The following KLF5 variants were observed in gnomAD, a reference collection of about 807,000 sequenced individuals.
KLF5 encodes the protein Krueppel-like factor 5.
In KLF5, 9 loss-of-function variants were observed where a neutral mutation model predicts 36.9. That is an observed-to-expected ratio of 0.24 (90% CI 0.15 to 0.43). KLF5 has a LOEUF of 0.43. KLF5 is among the 20% of genes least tolerant of loss of function. The pLI is 1.00. For synonymous variants in KLF5, 246 were observed against 241.7 expected, an observed-to-expected ratio of 1.02 and a Z score of -0.17; for missense variants, 524 against 599.5, an observed-to-expected ratio of 0.87 and a Z score of 1.31.
At chr13:73,056,645 C>T (rs181328171), upstream of KLF5, among the ~76,000 whole-genome samples, 2 of 152,272 alleles carry the variant, frequency 1.3e-5, no homozygotes, top group African/African-American at 4.8e-5. Flanking sequence ...CAAATGTCTC[C>T]GAAAAGGATT....
intron 3 of KLF5, among the ~76,000 whole-genome samples, chr13:73,073,667 C>G (rs2044738251): frequency 6.6e-6 from 1 of 152,116 alleles, no homozygotes; most frequent in South Asian, 2.1e-4. Flanking sequence ...TCAGAAATAA[C>G]TTTTTCTTTC....
chr13:73,055,424 A>T (rs2044577510), upstream of KLF5, among the ~76,000 whole-genome samples: 1 of 152,174 alleles, frequency 6.6e-6, no homozygotes, highest in Non-Finnish European at 1.5e-5. Flanking sequence ...TAAACTGCAT[A>T]TTTTTTCATC....
chr13:73,060,850 G>A (rs899959645), intron 1 of KLF5, among the ~76,000 whole-genome samples: 2 of 152,158 alleles, frequency 1.3e-5, no homozygotes, highest in Non-Finnish European at 2.9e-5. Flanking sequence ...GCTGGAAAAG[G>A]CTTGAGGCGA....
rs1566567749 is a variant in KLF5 at position 73,076,058 on chromosome 13, AGTGTT to A, written c.*173_*177del. On this transcript the variant is annotated 3_prime_UTR_variant, in exon 4 of 4. Coordinates refer to ENST00000377687, the MANE Select transcript of KLF5 (RefSeq NM_001730.5). ...AGGGAATACATTGTATTAATACCAAAGTGTTTGGTCATTTTAAGAATCTGGAATGC... is the reference window on the plus strand; with the variant it reads ...AGGGAATACATTGTATTAATACCAAATGGTCATTTTAAGAATCTGGAATGC... 57 of 518,968 alleles carry A rather than the reference AGTGTT, an allele frequency of 1.1e-4. 1 individual carries two copies. In the South Asian group the frequency reaches 2.5e-3, roughly 23 times the overall value. The allele number at this position is 518,968 out of a possible 1,614,324, so 32.1% of individuals were successfully genotyped here.
intron 1 of KLF5, 187 bp downstream of exon 1, chr13:73,059,775 G>GT: frequency 3.3e-5 from 4 of 120,878 alleles, no homozygotes; most frequent in Non-Finnish European, 4.3e-5. Context: ...GAGAGTAAAT[G>GT]GGGGGGGGGG....
rs375892924 is a variant in KLF5 at position 73,061,894 on chromosome 13, C to G, written c.295C>G (p.Gln99Glu). 2.5e-6 allele frequency: 4 copies of G among 1,613,530 alleles called. No homozygotes were observed. The African/African-American group carries it at 4.0e-5, about 16-fold the overall frequency. The change falls in exon 2 of 4, where the codon CAG becomes GAG. Residue 99 changes from glutamine (Q) to glutamate (E), a missense_variant. Around this residue, in one of 4 missense-constraint regions of KLF5, gnomAD observed 454 missense variants for 458.1 expected, o/e 0.99. Coordinates refer to ENST00000377687, the MANE Select transcript of KLF5 (RefSeq NM_001730.5). ...TGAAATGGAGAAGTATCTGACACCTCAGCTTCCTCCAGTTCCTATAATTCC... is the reference window on the plus strand; with the variant it reads ...TGAAATGGAGAAGTATCTGACACCTGAGCTTCCTCCAGTTCCTATAATTCC... ...RCEMEKYLTPQLPPVPIIPEH... is the reference protein window; with the variant it reads ...RCEMEKYLTPELPPVPIIPEH...
intron 3 of KLF5, among the ~76,000 whole-genome samples, chr13:73,075,392 T>A (rs190358002): frequency 1.3e-5 from 2 of 152,350 alleles, no homozygotes; most frequent in East Asian, 3.9e-4. Context: ...CCTGGATTTA[T>A]GTGTGTAGGA....
chr13:73,064,707 T>C (rs1234626002), intron 3 of KLF5, among the ~76,000 whole-genome samples: 1 of 151,914 alleles, frequency 6.6e-6, no homozygotes, highest in Non-Finnish European at 1.5e-5. Context: ...CCATGCCCAG[T>C]TGATTTTTGT....
intron 3 of KLF5, among the ~76,000 whole-genome samples, chr13:73,069,760 C>CA (rs1374878029): frequency 1.3e-5 from 2 of 152,128 alleles, no homozygotes; most frequent in Non-Finnish European, 2.9e-5. Flanking sequence ...TAAAGCTTAT[C>CA]AAAAGTTAAG....
At chr13:73,067,840 TTC>T (rs1458244442) in intron 3 of KLF5, among the ~76,000 whole-genome samples, 9 of 139,584 alleles carry the variant, frequency 6.4e-5, no homozygotes, top group African/African-American at 2.3e-4. Context: ...AAATTCACTC[TTC>T]TTTTTTTTTT....
At chr13:73,075,372 C>G (rs1274803513) in intron 3 of KLF5, among the ~76,000 whole-genome samples, 1 of 152,166 alleles carries the variant, frequency 6.6e-6, no homozygotes, top group African/African-American at 2.4e-5. Flanking sequence ...TCAGGCTCAT[C>G]TAGTCATTTC....
Position 73,062,138 on chromosome 13 carries a change from C to A in KLF5, c.539C>A (p.Pro180Gln), listed in dbSNP as rs200707995. 1.9e-6 allele frequency: 3 copies of A among 1,614,106 alleles called. No individual in the cohort carries two copies. The highest frequency in any genetic ancestry group is 2.5e-6 in the Non-Finnish European group (3 of 1,180,020). The change falls in exon 2 of 4, where the codon CCG becomes CAG. Residue 180 changes from proline to glutamine, a missense_variant. By Grantham distance (76) the Pro-to-Gln change is moderately conservative. Coordinates refer to ENST00000377687, the MANE Select transcript of KLF5 (RefSeq NM_001730.5). Reference protein sequence around the residue: ...SHQSETTAPPPAPTQALPEFT... With the variant: ...SHQSETTAPPQAPTQALPEFT... The stretch of plus-strand genomic sequence containing the variant: ...CAGAGTGAAACGACTGCCCCTCCTC[C>A]GGCCCCGACCCAGGCCCTCCCTGAG...
intron 3 of KLF5, among the ~76,000 whole-genome samples, chr13:73,064,128 T>C (rs538366236): frequency 6.6e-6 from 1 of 152,218 alleles, no homozygotes; most frequent in Non-Finnish European, 1.5e-5. Flanking sequence ...TCAGAGTTGA[T>C]TACCCAAAAA....
chr13:73,064,228 A>C, intron 3 of KLF5, among the ~76,000 whole-genome samples: 1 of 152,198 alleles, frequency 6.6e-6, no homozygotes, highest in Non-Finnish European at 1.5e-5. Flanking sequence ...ATTTTCTTCC[A>C]TAGCAAATAA....
chr13:73,072,984 C>T (rs1427405404), intron 3 of KLF5, among the ~76,000 whole-genome samples: 1 of 152,112 alleles, frequency 6.6e-6, no homozygotes, highest in African/African-American at 2.4e-5. Flanking sequence ...GAAAGTTTCA[C>T]GTTAACAGCA....
At chr13:73,066,355 A>G (rs2044680105) in intron 3 of KLF5, among the ~76,000 whole-genome samples, 1 of 151,310 alleles carries the variant, frequency 6.6e-6, no homozygotes, top group Non-Finnish European at 1.5e-5. Flanking sequence ...AGGCCCAGGT[A>G]GAACAGTTAG....
chr13:73,057,441 C>G (rs545855050), upstream of KLF5, among the ~76,000 whole-genome samples: 21 of 152,256 alleles, frequency 1.4e-4, no homozygotes, highest in Non-Finnish European at 2.8e-4. Flanking sequence ...TTAAATAATA[C>G]TTTGATAACA....
chr13:73,072,988 A>C (rs2044733255), intron 3 of KLF5, among the ~76,000 whole-genome samples: 1 of 152,256 alleles, frequency 6.6e-6, no homozygotes, highest in African/African-American at 2.4e-5. Context: ...GTTTCACGTT[A>C]ACAGCATGAG....
chr13:73,068,067 C>G (rs1214280322), intron 3 of KLF5, among the ~76,000 whole-genome samples: 1 of 151,532 alleles, frequency 6.6e-6, no homozygotes, highest in African/African-American at 2.4e-5. Flanking sequence ...TCTCGAACTC[C>G]TGACCTCAGA....
Sources: allele counts gnomAD v4.1 joint callset (sites outside exome capture counted in the v4.1 genomes callset), GRCh38; gene constraint gnomAD v4.1.1; regional missense constraint gnomAD v4.1.1; transcripts MANE v1.5; gene names NCBI Gene and HGNC (gene_info 2026-07-23, HGNC 2026-07-21).